The following HESX1 variants were observed in gnomAD, a reference collection of about 807,000 sequenced individuals.
HESX1 encodes homeobox expressed in ES cells 1.
HESX1 carries 11 observed loss-of-function variants against 22.5 expected under a neutral mutation model. The ratio of observed to expected loss-of-function variants is 0.49; its 90% CI spans 0.31 to 0.81. The LOEUF (loss-of-function observed/expected upper bound fraction) is 0.81, where lower values mean the gene tolerates loss of function less well. HESX1 is among the 30% of genes least tolerant of loss of function. The pLI, the probability that HESX1 is intolerant of heterozygous loss-of-function variation, is 0.05. For synonymous variants in HESX1, 74 were observed against 76.5 expected (o/e 0.97, Z 0.17); for missense variants, 201 against 212.6 (o/e 0.95, Z 0.34).
chr3:57,210,975 T>C (rs2107576941), intron 1 of HESX1, among the ~76,000 whole-genome samples: 1 of 152,224 alleles, frequency 6.6e-6, no homozygotes, highest in East Asian at 1.9e-4. Flanking sequence ...TCTCAGCACT[T>C]TGGGAGGCCG....
rs187339242 is a variant in HESX1, at chr3:57,219,623, T to G, written c.-111+6673A>C. 1.3e-3 allele frequency among the ~76,000 whole-genome samples: 192 copies of G among 152,244 alleles called. 1 individual carries two copies. Among genetic ancestry groups the G allele is most frequent in the African/African-American group, 4.4e-3 (183 of 41,534 alleles). On this transcript the variant is annotated intron_variant, in intron 1 of 2. Transcript: ENST00000495160. ...ACCTCATGATCCACCCACCTCAGCCTCCCAGAGTGCTGGGATTACAGGCGT... is the reference window on the plus strand; with the variant it reads ...ACCTCATGATCCACCCACCTCAGCCGCCCAGAGTGCTGGGATTACAGGCGT...
intron 1 of HESX1, among the ~76,000 whole-genome samples, chr3:57,220,389 T>C (rs1253770254): frequency 1.3e-5 from 2 of 152,288 alleles, no homozygotes; most frequent in African/African-American, 2.4e-5. Context: ...TTGTAAATGA[T>C]TGAGTTTACT....
At chr3:57,227,067 A>G (rs147982215), upstream of HESX1, among the ~76,000 whole-genome samples, 49 of 152,320 alleles carry the variant, frequency 3.2e-4, no homozygotes, top group African/African-American at 1.2e-3. Context: ...TTTTTAAAAG[A>G]TATTTTCCTT....
chr3:57,227,314 G>A (rs2060652577), upstream of HESX1, among the ~76,000 whole-genome samples: 1 of 152,216 alleles, frequency 6.6e-6, no homozygotes, highest in Admixed American at 6.5e-5. Flanking sequence ...GCACCATTCT[G>A]CTGGAGGGGA....
At chr3:57,219,052 C>T (rs2060600133) in intron 1 of HESX1, among the ~76,000 whole-genome samples, 1 of 152,150 alleles carries the variant, frequency 6.6e-6, no homozygotes, top group South Asian at 2.1e-4. Context: ...CAAGTGTTCC[C>T]TTTTCTCTGC....
At chr3:57,202,102 G>A (rs2060493350), upstream of HESX1, among the ~76,000 whole-genome samples, 1 of 151,554 alleles carries the variant, frequency 6.6e-6, no homozygotes, top group Non-Finnish European at 1.5e-5. Context: ...TGTATTTTTA[G>A]TAGAGACGAA....
chr3:57,224,601 CCAGCAGGGCT>C (rs1386744581), intron 1 of HESX1, among the ~76,000 whole-genome samples: 9 of 152,186 alleles, frequency 5.9e-5, no homozygotes, highest in African/African-American at 2.2e-4. Context: ...CCAAAATCTT[CCAGCAGGGCT>C]CAGGAATCTG....
chr3:57,217,092 G>A (rs2060586646), intron 1 of HESX1, among the ~76,000 whole-genome samples: 1 of 151,922 alleles, frequency 6.6e-6, no homozygotes, highest in South Asian at 2.1e-4. Flanking sequence ...TTCTTTTCTT[G>A]TTCCAGGGAC....
chr3:57,204,125 A>C (rs1412961257), upstream of HESX1, among the ~76,000 whole-genome samples: 3 of 152,092 alleles, frequency 2.0e-5, no homozygotes, highest in Non-Finnish European at 2.9e-5. Flanking sequence ...ACTGACCTGC[A>C]GTTTTGTGAG....
upstream of HESX1, among the ~76,000 whole-genome samples, chr3:57,203,739 G>A (rs1477880470): frequency 1.3e-5 from 2 of 152,108 alleles, no homozygotes; most frequent in African/African-American, 4.8e-5. Flanking sequence ...ATTTTTAGTA[G>A]AGATGGGTTT....
intron 1 of HESX1, among the ~76,000 whole-genome samples, chr3:57,213,663 A>AG (rs1262810900): frequency 6.6e-6 from 1 of 152,202 alleles, no homozygotes; most frequent in Non-Finnish European, 1.5e-5. Context: ...GCGGTGGCTC[A>AG]CGCCTGTAAT....
At chr3:57,209,882 T>C (rs1192236282) in intron 1 of HESX1, among the ~76,000 whole-genome samples, 1 of 152,164 alleles carries the variant, frequency 6.6e-6, no homozygotes, top group African/African-American at 2.4e-5. Flanking sequence ...CATTTTAGCA[T>C]ATTTGTGTTT....
chr3:57,207,186 T>G (rs2107573983), intron 1 of HESX1, among the ~76,000 whole-genome samples: 1 of 152,270 alleles, frequency 6.6e-6, no homozygotes, highest in East Asian at 1.9e-4. Context: ...TGACCTCAAG[T>G]GATCCAACGC....
intron 1 of HESX1, 92 bp downstream of exon 1, chr3:57,199,670 T>A: frequency 9.5e-7 from 1 of 1,056,134 alleles, no homozygotes; most frequent in Non-Finnish European, 1.4e-6. Flanking sequence ...ATTAAAGTCC[T>A]AAACTCTAGC....
upstream of HESX1, among the ~76,000 whole-genome samples, chr3:57,201,811 T>C (rs773517844): frequency 6.6e-6 from 1 of 151,968 alleles, no homozygotes; most frequent in Non-Finnish European, 1.5e-5. Flanking sequence ...ACAAAGATGT[T>C]CCAATATTTT....
upstream of HESX1, among the ~76,000 whole-genome samples, chr3:57,204,193 TG>T (rs766489395): frequency 6.6e-6 from 1 of 152,182 alleles, no homozygotes; most frequent in Admixed American, 6.5e-5. Context: ...TTTTATTTTA[TG>T]TTTTTTTAGA....
At chr3:57,221,488 C>T (rs2060615721) in intron 1 of HESX1, among the ~76,000 whole-genome samples, 1 of 152,006 alleles carries the variant, frequency 6.6e-6, no homozygotes, top group African/African-American at 2.4e-5. Flanking sequence ...GCACTTATGA[C>T]ATTCTAACAT....
At chr3:57,203,190 C>G (rs755583459), upstream of HESX1, among the ~76,000 whole-genome samples, 16 of 152,132 alleles carry the variant, frequency 1.1e-4, no homozygotes, top group Non-Finnish European at 1.8e-4. Flanking sequence ...CCAGGGAGAT[C>G]AGTTGGGGAG....
upstream of HESX1, among the ~76,000 whole-genome samples, chr3:57,204,572 C>T (rs574122512): frequency 1.3e-5 from 2 of 152,238 alleles, no homozygotes; most frequent in South Asian, 2.1e-4. Context: ...GCTATAAGCT[C>T]AGTGCTAGAG....
Sources: allele counts gnomAD v4.1 joint callset (sites outside exome capture counted in the v4.1 genomes callset), GRCh38; gene constraint gnomAD v4.1.1; transcripts MANE v1.5; gene names NCBI Gene and HGNC (gene_info 2026-07-23, HGNC 2026-07-21).